The following MAML3 variants were observed in gnomAD, a reference collection of about 807,000 sequenced individuals.
The protein encoded by MAML3 is mastermind-like protein 3.
A neutral mutation model predicts 101.9 loss-of-function variants in MAML3; 27 were observed. The observed-to-expected ratio is 0.27, with a 90% CI of 0.20 to 0.37. The LOEUF (loss-of-function observed/expected upper bound fraction) is 0.37, where lower values mean the gene tolerates loss of function less well. MAML3 is among the 10% of genes least tolerant of loss of function. The probability of loss-of-function intolerance (pLI) is 1.00; values close to 1 mark genes in which losing one functional copy is unlikely to be tolerated. For synonymous variants in MAML3, 501 were observed against 555.9 expected (o/e 0.90, Z 1.39); for missense variants, 1,316 against 1,444.9 (o/e 0.91, Z 1.45).
intron 2 of MAML3, among the ~76,000 whole-genome samples, chr4:139,824,588 A>G (rs1455156340): frequency 2.0e-5 from 3 of 152,202 alleles, no homozygotes; most frequent in Non-Finnish European, 2.9e-5. Flanking sequence ...ACATGTTAAA[A>G]GCTCTGTGGT....
chr4:139,826,516 C>T (rs1003390624), intron 2 of MAML3, among the ~76,000 whole-genome samples: 12 of 152,222 alleles, frequency 7.9e-5, no homozygotes, highest in South Asian at 2.1e-4. Flanking sequence ...AGACTGGTGG[C>T]GTCAGCAATT....
intron 1 of MAML3, among the ~76,000 whole-genome samples, chr4:140,031,358 A>G (rs984357007): frequency 3.1e-4 from 47 of 152,218 alleles, no homozygotes; most frequent in African/African-American, 1.1e-3. Context: ...ATATTATTAT[A>G]GAAAGAATAA....
intron 1 of MAML3, among the ~76,000 whole-genome samples, chr4:140,130,374 T>C (rs1273041413): frequency 1.3e-5 from 2 of 152,196 alleles, no homozygotes; most frequent in African/African-American, 4.8e-5. Flanking sequence ...AATGCATATT[T>C]CTAAAAGAAG....
chr4:140,089,859 G>C (rs776848323), intron 1 of MAML3, among the ~76,000 whole-genome samples: 2 of 152,190 alleles, frequency 1.3e-5, no homozygotes, highest in Non-Finnish European at 2.9e-5. Context: ...CTGGCCTCAA[G>C]CCATCCTGCT....
At chr4:139,935,229 T>C (rs994754472) in intron 1 of MAML3, among the ~76,000 whole-genome samples, 2 of 150,034 alleles carry the variant, frequency 1.3e-5, no homozygotes, top group South Asian at 2.1e-4. Context: ...TTTTTTTTTT[T>C]CGGACTGATA....
intron 1 of MAML3, among the ~76,000 whole-genome samples, chr4:139,958,651 T>G (rs1490505681): frequency 6.6e-6 from 1 of 152,154 alleles, no homozygotes; most frequent in Non-Finnish European, 1.5e-5. Context: ...AGAGAGTCAC[T>G]TATGCAAGAA....
chr4:139,765,321 A>G (rs888162084), intron 2 of MAML3, among the ~76,000 whole-genome samples: 2 of 152,260 alleles, frequency 1.3e-5, no homozygotes, highest in Non-Finnish European at 2.9e-5. Flanking sequence ...TTAGGATGGT[A>G]GAATTAAGAA....
intron 2 of MAML3, among the ~76,000 whole-genome samples, chr4:139,843,265 G>C (rs1279464729): frequency 6.6e-6 from 1 of 152,076 alleles, no homozygotes; most frequent in African/African-American, 2.4e-5. Flanking sequence ...ATCTACTATG[G>C]AGCTCAGCAT....
chr4:140,069,872 T>C (rs1727615054), intron 1 of MAML3, among the ~76,000 whole-genome samples: 1 of 151,712 alleles, frequency 6.6e-6, no homozygotes, highest in Admixed American at 6.6e-5. Context: ...TCCCAGCGCT[T>C]TGGGAGGCCG....
At chr4:139,865,496 GTT>G (rs1175520994) in intron 2 of MAML3, among the ~76,000 whole-genome samples, 1 of 122,624 alleles carries the variant, frequency 8.2e-6, no homozygotes, top group Non-Finnish European at 1.8e-5. Context: ...TTTTTTTTTT[GTT>G]TTTTTTTTTT....
chr4:140,022,477 C>G (rs547623023), intron 1 of MAML3, among the ~76,000 whole-genome samples: 2 of 152,268 alleles, frequency 1.3e-5, no homozygotes, highest in East Asian at 1.9e-4. Context: ...CTGGATAATA[C>G]GTCCCAACTT....
chr4:139,919,527 G>T (rs191899466), intron 1 of MAML3, among the ~76,000 whole-genome samples: 1 of 152,180 alleles, frequency 6.6e-6, no homozygotes, highest in African/African-American at 2.4e-5. Flanking sequence ...AAAGCAAAGA[G>T]ATGTAAGATG....
chr4:140,147,457 C>A (rs892733089), intron 1 of MAML3, among the ~76,000 whole-genome samples: 2 of 152,016 alleles, frequency 1.3e-5, no homozygotes, highest in African/African-American at 4.8e-5. Context: ...TTGCTTCTTC[C>A]CACTCTTTGA....
At chr4:139,900,742 A>T (rs1337169233) in intron 1 of MAML3, among the ~76,000 whole-genome samples, 1 of 152,260 alleles carries the variant, frequency 6.6e-6, no homozygotes, top group Non-Finnish European at 1.5e-5. Context: ...CGTAGTTTTC[A>T]GTAGAATGCT....
At chr4:139,902,561 G>A (rs775042783) in intron 1 of MAML3, among the ~76,000 whole-genome samples, 16 of 152,146 alleles carry the variant, frequency 1.1e-4, no homozygotes, top group Non-Finnish European at 2.1e-4. Flanking sequence ...AGACAGGCAC[G>A]TTCTCACATA....
intron 2 of MAML3, chr4:139,730,958 C>T: frequency 4.7e-6 from 2 of 421,806 alleles, no homozygotes; most frequent in Non-Finnish European, 8.6e-6. Context: ...GGATTTTCAA[C>T]TAACATCCTG....
At chr4:140,049,450 C>T (rs1262435763) in intron 1 of MAML3, among the ~76,000 whole-genome samples, 1 of 152,136 alleles carries the variant, frequency 6.6e-6, no homozygotes, top group African/African-American at 2.4e-5. Context: ...CGCCACCTGG[C>T]TCAGCAAGTG....
intron 1 of MAML3, among the ~76,000 whole-genome samples, chr4:140,002,928 G>T (rs2060967639): frequency 6.6e-6 from 1 of 152,234 alleles, no homozygotes; most frequent in Non-Finnish European, 1.5e-5. Flanking sequence ...CACTGGCAGG[G>T]TCTGTTGGAA....
At chr4:139,995,770 C>CTGT (rs1734796578) in intron 1 of MAML3, among the ~76,000 whole-genome samples, 1 of 151,674 alleles carries the variant, frequency 6.6e-6, no homozygotes, top group South Asian at 2.1e-4. Context: ...CTGATTTTCT[C>CTGT]TATTTTTTTT....
Sources: allele counts gnomAD v4.1 joint callset (sites outside exome capture counted in the v4.1 genomes callset), GRCh38; gene constraint gnomAD v4.1.1; transcripts MANE v1.5; gene names NCBI Gene and HGNC (gene_info 2026-07-23, HGNC 2026-07-21).